ARMC2: variants seen among roughly 807,000 people sequenced by gnomAD.
The protein encoded by ARMC2 is armadillo repeat-containing protein 2.
A neutral mutation model predicts 90.3 loss-of-function variants in ARMC2; 67 were observed. The ratio of observed to expected loss-of-function variants is 0.74; its 90% confidence interval spans 0.61 to 0.91. ARMC2 has a LOEUF of 0.91. Among genes scored for constraint, ARMC2 ranks in the 40% least tolerant of loss-of-function variants. The pLI is 0.00. For synonymous variants in ARMC2, 393 were observed against 393.0 expected (o/e 1.00, Z 0.00); for missense variants, 920 against 1,030.9 (o/e 0.89, Z 1.47).
At chr6:108,988,883 GACTA>G in the ARMC2 span, among the ~76,000 whole-genome samples, 1 of 152,166 alleles carries the variant, frequency 6.6e-6, no homozygotes. Flanking sequence ...TACTTAGGGA[GACTA>G]ACATAACATT....
chr6:108,868,391 A>G (rs1385884028), intron 3 of ARMC2, among the ~76,000 whole-genome samples: 1 of 151,896 alleles, frequency 6.6e-6, no homozygotes, highest in Admixed American at 6.6e-5. Context: ...CTATTTTTGT[A>G]TTTTTAGTGG....
At chr6:109,032,740 CTTCTT>C in the ARMC2 span, among the ~76,000 whole-genome samples, 3 of 152,178 alleles carry the variant, frequency 2.0e-5, no homozygotes, top group Admixed American at 6.5e-5. Context: ...TATTCCAAGC[CTTCTT>C]TTCTTTTGTC....
the ARMC2 span, among the ~76,000 whole-genome samples, chr6:109,020,780 AGTT>A: frequency 1.1e-3 from 160 of 152,332 alleles, 1 homozygote; most frequent in African/African-American, 3.5e-3. Flanking sequence ...GTGAAACAAT[AGTT>A]AACAGTTTTC....
chr6:108,871,383 T>TC (rs753673807), intron 4 of ARMC2, among the ~76,000 whole-genome samples: 1 of 151,476 alleles, frequency 6.6e-6, no homozygotes, highest in Non-Finnish European at 1.5e-5. Context: ...TTTCAAACGC[T>TC]CCCCCCGCAA....
chr6:108,956,303 TATAA>T (rs1458040666), intron 13 of ARMC2, among the ~76,000 whole-genome samples: 1 of 152,174 alleles, frequency 6.6e-6, no homozygotes. Context: ...CTCCTCATCT[TATAA>T]ATATTTTATG....
At chr6:108,917,098 T>A (rs1774041584) in intron 10 of ARMC2, among the ~76,000 whole-genome samples, 1 of 152,242 alleles carries the variant, frequency 6.6e-6, no homozygotes, top group African/African-American at 2.4e-5. Flanking sequence ...GTACTTCCAA[T>A]CTGTTTTTTC....
At chr6:108,965,481 A>G (rs1778299443) in intron 17 of ARMC2, among the ~76,000 whole-genome samples, 2 of 151,578 alleles carry the variant, frequency 1.3e-5, no homozygotes, top group Admixed American at 6.6e-5. Flanking sequence ...TTGAGAAAAT[A>G]CGGCTAAAAT....
At chr6:109,031,238 T>A in the ARMC2 span, among the ~76,000 whole-genome samples, 1 of 152,130 alleles carries the variant, frequency 6.6e-6, no homozygotes, top group Middle Eastern at 3.2e-3. Context: ...AGGTAGTCTA[T>A]AAAGTCAGTA....
the ARMC2 span, among the ~76,000 whole-genome samples, chr6:109,018,830 T>C: frequency 6.6e-6 from 1 of 152,166 alleles, no homozygotes; most frequent in Non-Finnish European, 1.5e-5. Flanking sequence ...TATAGTTCAT[T>C]ACTAGAGAAG....
chr6:108,883,161 A>G (rs916265057), intron 5 of ARMC2, among the ~76,000 whole-genome samples: 4 of 152,252 alleles, frequency 2.6e-5, no homozygotes, highest in African/African-American at 9.6e-5. Flanking sequence ...TGGTTTTCTT[A>G]AAGAATCACT....
chr6:109,026,607 C>T, the ARMC2 span, among the ~76,000 whole-genome samples: 1 of 152,160 alleles, frequency 6.6e-6, no homozygotes, highest in African/African-American at 2.4e-5. Flanking sequence ...TCGGTTCAAG[C>T]GATTCTCCTG....
chr6:108,866,628 CTG>C (rs1401332983), intron 3 of ARMC2, among the ~76,000 whole-genome samples: 2 of 152,176 alleles, frequency 1.3e-5, no homozygotes, highest in South Asian at 4.1e-4. Flanking sequence ...ACTACTGTCT[CTG>C]TGTTATAGCT....
chr6:108,937,058 G>A, intron 12 of ARMC2, 59 bp downstream of exon 12: 1 of 1,366,160 alleles, frequency 7.3e-7, no homozygotes, highest in East Asian at 2.5e-5. Context: ...GTTTGTGTAA[G>A]CCCATGTTAA....
chr6:109,012,765 A>C, the ARMC2 span, among the ~76,000 whole-genome samples: 1 of 152,180 alleles, frequency 6.6e-6, no homozygotes, highest in South Asian at 2.1e-4. Context: ...GAATACAGGA[A>C]GCTCAATGGG....
intron 13 of ARMC2, among the ~76,000 whole-genome samples, chr6:108,955,036 A>G (rs2128506469): frequency 6.6e-6 from 1 of 152,050 alleles, no homozygotes; most frequent in South Asian, 2.1e-4. Context: ...GGTCCCTTCT[A>G]CTTCTTGTAA....
the ARMC2 span, among the ~76,000 whole-genome samples, chr6:109,031,961 A>G: frequency 6.6e-6 from 1 of 152,190 alleles, no homozygotes; most frequent in African/African-American, 2.4e-5. Context: ...CCTTATACAC[A>G]TATCTTGAAG....
At chr6:108,901,119 TTTTTTTTTTTTTTTTTG>T in intron 7 of ARMC2, among the ~76,000 whole-genome samples, 2 of 118,422 alleles carry the variant, frequency 1.7e-5, no homozygotes, top group African/African-American at 3.3e-5. Flanking sequence ...TTTTTTTTTT[TTTTTTTTTTTTTTTTTG>T]AGACAGTCGC....
chr6:108,880,628 C>T (rs1050623870), intron 5 of ARMC2, among the ~76,000 whole-genome samples: 1 of 152,150 alleles, frequency 6.6e-6, no homozygotes, highest in African/African-American at 2.4e-5. Flanking sequence ...CTGAAGCCAC[C>T]ACATCAACAT....
At chr6:109,009,586 C>T in the ARMC2 span, 72 of 1,066,238 alleles carry the variant, frequency 6.8e-5, no homozygotes, top group East Asian at 3.3e-3. Flanking sequence ...ACAAACAAGC[C>T]GCGCGGCCCC....
Sources: gnomAD v4.1 joint callset for allele counts (sites outside exome capture counted in the v4.1 genomes callset) on GRCh38, gnomAD v4.1.1 for gene constraint, MANE v1.5 for transcripts, NCBI Gene and HGNC (gene_info 2026-07-23, HGNC 2026-07-21) for gene names.